The following ANO10 variants were observed in gnomAD, a reference collection of about 807,000 sequenced individuals.
ANO10 encodes anoctamin-10.
In ANO10, 77 loss-of-function variants were observed where a neutral mutation model predicts 74.7. The observed-to-expected ratio is 1.03, with a 90% CI of 0.86 to 1.25. The LOEUF is 1.25. Among genes scored for constraint, ANO10 ranks in the 50% most tolerant of loss-of-function variants. ANO10 has a pLI of 0.00. For missense variants in ANO10, 721 were observed against 778.1 expected (o/e 0.93, Z 0.87); for synonymous variants, 279 against 284.9 (o/e 0.98, Z 0.21).
intron 11 of ANO10, among the ~76,000 whole-genome samples, chr3:43,521,354 C>G (rs188017618): frequency 6.6e-6 from 1 of 152,140 alleles, no homozygotes; most frequent in African/African-American, 2.4e-5. Context: ...TGCTGTCAAG[C>G]CTTTAATGGT....
chr3:43,536,583 G>T (rs1215971930), intron 11 of ANO10, among the ~76,000 whole-genome samples: 1 of 152,128 alleles, frequency 6.6e-6, no homozygotes, highest in African/African-American at 2.4e-5. Flanking sequence ...AAGATGAGCA[G>T]CTCCTTTAAT....
chr3:43,656,105 G>A (rs2083847168), intron 1 of ANO10, among the ~76,000 whole-genome samples: 1 of 151,012 alleles, frequency 6.6e-6, no homozygotes, highest in Non-Finnish European at 1.5e-5. Flanking sequence ...TACAAACCTT[G>A]AGCTAGATAC....
At chr3:43,512,205 G>A (rs1040477099) in intron 11 of ANO10, among the ~76,000 whole-genome samples, 1 of 152,100 alleles carries the variant, frequency 6.6e-6, no homozygotes, top group South Asian at 2.1e-4. Context: ...CTGGGAAGGT[G>A]CCCACTCTCT....
intron 1 of ANO10, among the ~76,000 whole-genome samples, chr3:43,683,528 C>A (rs1043132445): frequency 6.6e-6 from 1 of 152,132 alleles, no homozygotes; most frequent in Non-Finnish European, 1.5e-5. Context: ...AGATTCAATG[C>A]CATCCCCATC....
intron 1 of ANO10, chr3:43,690,887 T>C: frequency 7.8e-7 from 1 of 1,280,896 alleles, no homozygotes; most frequent in Non-Finnish European, 1.0e-6. Flanking sequence ...GGAAGACGCA[T>C]GCGCTGGCGG....
At chr3:43,370,479 C>T (rs1157394425) in intron 12 of ANO10, among the ~76,000 whole-genome samples, 9 of 130,334 alleles carry the variant, frequency 6.9e-5, no homozygotes, top group South Asian at 2.7e-4. Flanking sequence ...TGGGCTGGGA[C>T]GGTGCCTAGG....
At chr3:43,476,809 C>G (rs886107971) in intron 11 of ANO10, among the ~76,000 whole-genome samples, 1 of 152,130 alleles carries the variant, frequency 6.6e-6, no homozygotes, top group Non-Finnish European at 1.5e-5. Context: ...TGAAGACTAT[C>G]CCCGAATTCA....
chr3:43,492,834 C>T (rs745813797), intron 11 of ANO10, among the ~76,000 whole-genome samples: 1 of 152,026 alleles, frequency 6.6e-6, no homozygotes, highest in Non-Finnish European at 1.5e-5. Context: ...TTTACACTGT[C>T]GGTGGGAGTG....
chr3:43,438,263 C>A lies in ANO10; in HGVS notation c.1798-5536G>T, dbSNP rs141809339. 4.1e-3 allele frequency among the ~76,000 whole-genome samples: 620 copies of A among 152,112 alleles called. 3 individuals carry two copies. The highest frequency in any genetic ancestry group is 0.014 in the Middle Eastern group (4 of 294). On this transcript the variant is annotated intron_variant, in intron 11 of 12. Transcript: ENST00000292246. ...CCCAAGTAACATAGCAAGACCTTAT[C>A]TCTACAAAAATAAAAATAAAAAATA...
Position 43,401,154 on chromosome 3 carries a change from T to C in ANO10, c.1914+31457A>G, listed in dbSNP as rs572630952. Among the ~76,000 whole-genome samples the C allele has an allele frequency of 7.3e-4, 111 of 152,326 alleles. 1 individual carries two copies. The highest frequency in any genetic ancestry group is 2.6e-3 in the African/African-American group (107 of 41,572). On this transcript the variant is annotated intron_variant, in intron 12 of 12. Transcript: ENST00000292246. ...ACTCTTGGCCCCCAGCCTTTTGTTTTGTTTGATTTTTATTTCCTGTATCTT... is the reference window on the plus strand; with the variant it reads ...ACTCTTGGCCCCCAGCCTTTTGTTTCGTTTGATTTTTATTTCCTGTATCTT...
At chr3:43,597,293 C>T (rs1286934792) in intron 4 of ANO10, among the ~76,000 whole-genome samples, 1 of 152,150 alleles carries the variant, frequency 6.6e-6, no homozygotes, top group Non-Finnish European at 1.5e-5. Flanking sequence ...AATCATGCTG[C>T]TATAAAGACA....
intron 9 of ANO10, among the ~76,000 whole-genome samples, chr3:43,560,849 C>T (rs982741585): frequency 9.2e-5 from 14 of 152,156 alleles, no homozygotes; most frequent in African/African-American, 3.4e-4. Context: ...TTTGTTTGTG[C>T]AGCCATCATT....
chr3:43,565,749 AAG>A, intron 7 of ANO10, 22 bp from the exon 8 acceptor site: 2 of 1,538,822 alleles, frequency 1.3e-6, no homozygotes, highest in Admixed American at 2.0e-5. Flanking sequence ...AAAAAAAAAA[AAG>A]ATAAGTGTTA....
chr3:43,666,311 TAC>T (rs2083991372), intron 1 of ANO10, among the ~76,000 whole-genome samples: 1 of 152,146 alleles, frequency 6.6e-6, no homozygotes, highest in South Asian at 2.1e-4. Context: ...GATTAAGAAT[TAC>T]AGTTACATGG....
At chr3:43,570,824 A>T (rs2149382213) in intron 7 of ANO10, among the ~76,000 whole-genome samples, 1 of 142,560 alleles carries the variant, frequency 7.0e-6, no homozygotes, top group East Asian at 2.0e-4. Context: ...AAAAGACAAA[A>T]TTGACAAATG....
chr3:43,372,026 T>C (rs1381402285), intron 12 of ANO10, among the ~76,000 whole-genome samples: 1 of 152,096 alleles, frequency 6.6e-6, no homozygotes, highest in African/African-American at 2.4e-5. Context: ...TGTCAGGCGG[T>C]CCTGGAGGGA....
At chr3:43,542,379 G>C (rs1370964315) in intron 11 of ANO10, among the ~76,000 whole-genome samples, 2 of 152,168 alleles carry the variant, frequency 1.3e-5, no homozygotes, top group Non-Finnish European at 2.9e-5. Flanking sequence ...TAGAAGGTAC[G>C]TAAGAGAGGG....
chr3:43,440,324 C>T (rs2093140659), intron 11 of ANO10, among the ~76,000 whole-genome samples: 1 of 151,708 alleles, frequency 6.6e-6, no homozygotes, highest in East Asian at 1.9e-4. Context: ...GACATACATA[C>T]AATGAAAGTG....
chr3:43,493,207 A>G (rs914304624), intron 11 of ANO10, among the ~76,000 whole-genome samples: 1 of 152,204 alleles, frequency 6.6e-6, no homozygotes, highest in South Asian at 2.1e-4. Flanking sequence ...GTTCTCACTC[A>G]TAAGTGGGAG....
Sources: gnomAD v4.1 joint callset for allele counts (sites outside exome capture counted in the v4.1 genomes callset) on GRCh38, gnomAD v4.1.1 for gene constraint, MANE v1.5 for transcripts, NCBI Gene and HGNC (gene_info 2026-07-23, HGNC 2026-07-21) for gene names.